Variants in FBXW11 observed in about 807,000 individuals in gnomAD.
The protein encoded by FBXW11 is F-box/WD repeat-containing protein 11.
In FBXW11, 19 loss-of-function variants were observed where a neutral mutation model predicts 77.6. That is an observed-to-expected ratio of 0.24 (90% CI 0.17 to 0.36). The LOEUF (loss-of-function observed/expected upper bound fraction) is 0.36, where lower values mean the gene tolerates loss of function less well. Among genes scored for constraint, FBXW11 ranks in the 10% least tolerant of loss-of-function variants. The pLI is 1.00. For missense variants in FBXW11, 334 were observed against 704.2 expected, an observed-to-expected ratio of 0.47 and a Z score of 5.95; for synonymous variants, 235 against 249.4, an observed-to-expected ratio of 0.94 and a Z score of 0.54.
At chr5:171,913,113 T>C (rs1012229435) in intron 3 of FBXW11, among the ~76,000 whole-genome samples, 5 of 152,152 alleles carry the variant, frequency 3.3e-5, no homozygotes, top group Non-Finnish European at 7.4e-5. Context: ...TATGCTTTCC[T>C]TCCCCCTTTA....
chr5:171,907,256 T>C (rs1044535677), intron 4 of FBXW11, among the ~76,000 whole-genome samples: 8 of 152,202 alleles, frequency 5.3e-5, no homozygotes, highest in African/African-American at 1.9e-4. Context: ...ACAGCAAGCA[T>C]TTAAAAGCTA....
intron 4 of FBXW11, among the ~76,000 whole-genome samples, chr5:171,901,288 T>A (rs1760098130): frequency 1.3e-5 from 2 of 152,194 alleles, no homozygotes; most frequent in Non-Finnish European, 2.9e-5. Flanking sequence ...AGAAGTAGTA[T>A]AATAGCACTA....
intron 10 of FBXW11, 48 bp from the exon 11 acceptor site, chr5:171,870,906 C>T: frequency 7.3e-7 from 1 of 1,363,380 alleles, no homozygotes; most frequent in South Asian, 1.2e-5. Flanking sequence ...ACACACGATT[C>T]ACACTATCCG....
chr5:171,961,800 C>G (rs1020011267), intron 1 of FBXW11, among the ~76,000 whole-genome samples: 3 of 152,168 alleles, frequency 2.0e-5, no homozygotes, highest in African/African-American at 7.2e-5. Flanking sequence ...GCACCTGCCA[C>G]CATGCCCGGC....
intron 2 of FBXW11, among the ~76,000 whole-genome samples, chr5:171,935,730 A>G (rs574997026): frequency 1.3e-5 from 2 of 152,300 alleles, no homozygotes; most frequent in East Asian, 3.9e-4. Context: ...ATAAAGGGTA[A>G]AGGTTTCCTT....
chr5:171,894,580 G>A (rs892378524), intron 6 of FBXW11, among the ~76,000 whole-genome samples: 4 of 152,010 alleles, frequency 2.6e-5, no homozygotes, highest in Non-Finnish European at 5.9e-5. Context: ...AATTCCCAAG[G>A]CCACCGGCAC....
At chr5:171,982,275 A>T (rs994021368) in intron 1 of FBXW11, among the ~76,000 whole-genome samples, 22 of 151,994 alleles carry the variant, frequency 1.4e-4, no homozygotes, top group African/African-American at 4.1e-4. Context: ...TTATTTATTT[A>T]TTTATTTTTT....
At chr5:171,964,987 C>T (rs1021543082) in intron 1 of FBXW11, among the ~76,000 whole-genome samples, 9 of 151,608 alleles carry the variant, frequency 5.9e-5, no homozygotes, top group Non-Finnish European at 1.2e-4. Flanking sequence ...TATATTCAGG[C>T]TGGGATATAT....
At chr5:171,873,348 G>A (rs1431001308) in intron 9 of FBXW11, among the ~76,000 whole-genome samples, 2 of 152,194 alleles carry the variant, frequency 1.3e-5, no homozygotes, top group Non-Finnish European at 2.9e-5. Context: ...TGGAGCTAAT[G>A]TAATAAAAAA....
intron 1 of FBXW11, among the ~76,000 whole-genome samples, chr5:171,981,783 G>A (rs1765159756): frequency 6.6e-6 from 1 of 152,138 alleles, no homozygotes; most frequent in African/African-American, 2.4e-5. Context: ...GCCAAACGCA[G>A]GAAACAGCCT....
At chr5:171,977,785 T>A (rs573974588) in intron 1 of FBXW11, 11 of 326,774 alleles carry the variant, frequency 3.4e-5, no homozygotes, top group African/African-American at 2.2e-4. Context: ...GTGAGACTTA[T>A]TCACTATCAC....
chr5:172,004,867 GCACACA>G (rs112994412), intron 1 of FBXW11, among the ~76,000 whole-genome samples: 19 of 149,446 alleles, frequency 1.3e-4, no homozygotes, highest in African/African-American at 2.5e-4. Context: ...AACCCCACGT[GCACACA>G]CACACACACA....
chr5:171,889,214 G>GT (rs1759132496), intron 7 of FBXW11, among the ~76,000 whole-genome samples: 1 of 152,148 alleles, frequency 6.6e-6, no homozygotes, highest in South Asian at 2.1e-4. Flanking sequence ...GAAAAAACTG[G>GT]TAAGTTGGAC....
intron 2 of FBXW11, among the ~76,000 whole-genome samples, chr5:171,931,325 G>A (rs946599877): frequency 6.6e-6 from 1 of 152,218 alleles, no homozygotes; most frequent in Non-Finnish European, 1.5e-5. Context: ...TGAAAGTGTG[G>A]TACTGGCAAC....
chr5:171,937,837 CAAAAAAAAA>C (rs893848306), intron 2 of FBXW11, among the ~76,000 whole-genome samples: 3 of 57,786 alleles, frequency 5.2e-5, no homozygotes, highest in African/African-American at 9.9e-5. Context: ...CAAAAAAAAG[CAAAAAAAAA>C]AAAAAAAGGA....
chr5:171,900,663 T>G (rs947705715), intron 4 of FBXW11, among the ~76,000 whole-genome samples: 2 of 152,190 alleles, frequency 1.3e-5, no homozygotes, highest in African/African-American at 4.8e-5. Context: ...TTATGAAAAG[T>G]TAAATGGCAA....
intron 1 of FBXW11, among the ~76,000 whole-genome samples, chr5:171,984,553 A>C (rs1765331237): frequency 6.6e-6 from 1 of 152,318 alleles, no homozygotes; most frequent in Admixed American, 6.5e-5. Context: ...TGCTCCAATC[A>C]GGGAGAATTT....
chr5:172,001,776 T>C (rs1766428297), intron 1 of FBXW11, among the ~76,000 whole-genome samples: 1 of 152,232 alleles, frequency 6.6e-6, no homozygotes, highest in African/African-American at 2.4e-5. Flanking sequence ...TAGGACTTCA[T>C]TAGCATAAAT....
chr5:171,998,336 C>CTTTTTTTTTTTTTTTTTTTTTTTTTTT lies in FBXW11; in HGVS notation c.45+8121_45+8122insAAAAAAAAAAAAAAAAAAAAAAAAAAA, dbSNP rs778327855. Reference sequence around the variant, plus strand: ...ACAGCCCATGATATTTTTTTCTTGTCTTTTTTTTTTTTTTTTTAAGTAGAG... The same window carrying CTTTTTTTTTTTTTTTTTTTTTTTTTTT: ...ACAGCCCATGATATTTTTTTCTTGTCTTTTTTTTTTTTTTTTTTTTTTTTTTTTTTTTTTTTTTTTTTTTAAGTAGAG... On this transcript the variant is annotated intron_variant, in intron 1 of 13. Coordinates refer to ENST00000517395, the MANE Select transcript of FBXW11 (RefSeq NM_001378974.1). 6.1e-5 allele frequency among the ~76,000 whole-genome samples: 7 copies of CTTTTTTTTTTTTTTTTTTTTTTTTTTT among 114,826 alleles called. 1 individual carries two copies. The highest frequency in any genetic ancestry group is 2.9e-4 in the African/African-American group (7 of 24,028). 75.3% of individuals were successfully genotyped at this position (114,826 alleles called of 152,430 possible). A position where few individuals can be genotyped will look rare whatever the true frequency, so the allele number is the denominator to read the frequency against.
Sources: allele counts gnomAD v4.1 joint callset (sites outside exome capture counted in the v4.1 genomes callset), GRCh38; gene constraint gnomAD v4.1.1; transcripts MANE v1.5; gene names NCBI Gene and HGNC (gene_info 2026-07-23, HGNC 2026-07-21).